Variants in CLBA1 observed in about 807,000 individuals in gnomAD.
CLBA1 encodes the protein clathrin binding box of aftiphilin containing 1, also known as uncharacterized protein CLBA1.
CLBA1 carries 30 observed loss-of-function variants against 28.8 expected under a neutral mutation model. The observed-to-expected ratio is 1.04, with a 90% CI of 0.78 to 1.41. The LOEUF (loss-of-function observed/expected upper bound fraction) is 1.41, where lower values mean the gene tolerates loss of function less well. Ranked by LOEUF, CLBA1 falls within the 40% of genes most tolerant of loss-of-function variation. The pLI, the probability that CLBA1 is intolerant of heterozygous loss-of-function variation, is 0.00. For synonymous variants in CLBA1, 160 were observed against 152.8 expected (o/e 1.05, Z -0.35); for missense variants, 451 against 412.3 (o/e 1.09, Z -0.81).
intron 2 of CLBA1, chr14:104,989,588 G>A (rs1304403320): frequency 2.2e-6 from 1 of 456,024 alleles, no homozygotes; most frequent in Admixed American, 2.3e-5. Context: ...CAGGCTCCTA[G>A]GGGAAAGTGC....
rs1900085531 is a variant in CLBA1, at chr14:104,993,159, G to C, written c.816+95G>C. On this transcript the variant is annotated intron_variant, in intron 4 of 4. Coordinates refer to ENST00000547315, the MANE Select transcript of CLBA1 (RefSeq NM_174891.4). ...TTTCTCTGATGTGAGTCAGTTGCTT[G>C]TTTTCTTCCTTTAAGTCTTGTGGAC... 12 of 1,537,934 alleles carry C rather than the reference G, an allele frequency of 7.8e-6. No homozygotes were observed. In the South Asian group the frequency reaches 9.9e-5, roughly 13 times the overall value.
At chr14:104,996,248 C>T (rs1358194964), downstream of CLBA1, among the ~76,000 whole-genome samples, 2 of 152,324 alleles carry the variant, frequency 1.3e-5, no homozygotes, top group South Asian at 4.1e-4. Context: ...GAAGAGAGGC[C>T]CTGCTGCTCT....
chr14:104,994,633 G>A lies in CLBA1; in HGVS notation c.852G>A (p.Leu284=). 1 of 1,613,100 alleles carries A rather than the reference G, an allele frequency of 6.2e-7. No individual in the cohort carries two copies. Among genetic ancestry groups the A allele is most frequent in the Non-Finnish European group, 8.5e-7 (1 of 1,179,956 alleles). ...CGCCTGGCAGCAAACAGGGGAGGCT[G>A]ATGACATGCAGCCGCTTCCTGAAGA... ...SGPPGSKQGR[L]MTCSRFLKTP... Residue 284 remains leucine, a synonymous_variant, in exon 5 of 5, where the codon CTG becomes CTA. Coordinates refer to ENST00000547315, the MANE Select transcript of CLBA1 (RefSeq NM_174891.4).
chr14:104,998,561 C>T (rs1204211956), downstream of CLBA1, among the ~76,000 whole-genome samples: 2 of 152,152 alleles, frequency 1.3e-5, no homozygotes, highest in Non-Finnish European at 2.9e-5. Flanking sequence ...CTGCCTTGGC[C>T]TCTCTTTTTG....
Position 104,985,914 on chromosome 14 carries a change from C to T in CLBA1, c.-518C>T. 4.9e-6 allele frequency: 1 copy of T among 203,964 alleles called. No homozygotes were observed. Among genetic ancestry groups the T allele is most frequent in the Non-Finnish European group, 1.1e-5 (1 of 95,080 alleles). 12.6% of individuals were successfully genotyped at this position (203,964 alleles called of 1,614,324 possible). ...GGACTCTCGGGAGCCGTGGGCCAGG[C>T]GCTTAGCCGGCCACCTCGGGCCCTG... is the stretch of plus-strand genomic sequence containing the variant. On this transcript the variant is annotated 5_prime_UTR_variant, in exon 1 of 5. Transcript: ENST00000547315.
intron 1 of CLBA1, 128 bp from the exon 2 acceptor site, chr14:104,988,815 G>A: frequency 2.1e-6 from 2 of 973,554 alleles, no homozygotes; most frequent in Non-Finnish European, 2.9e-6. Context: ...AATATGTCAA[G>A]TGATAGTAAC....
chr14:105,000,451 T>G (rs1477074349), downstream of CLBA1, among the ~76,000 whole-genome samples: 1 of 151,998 alleles, frequency 6.6e-6, no homozygotes, highest in Non-Finnish European at 1.5e-5. Context: ...TTTGTATTTT[T>G]AGTAGAGACA....
rs886619508 is a variant in CLBA1, at chr14:104,986,687, GA to G, written c.258del (p.Glu86AspfsTer46). On this transcript the variant is annotated frameshift_variant, in exon 1 of 5. Transcript: ENST00000547315. LOFTEE classifies it high-confidence loss of function. ...STWGEFEGFR[E>X]SSAKSGQFSQ... ...TTGGGGGGAGTTTGAAGGCTTTCGG[GA>G]ATCTTCAGCCAAGTCTGGACAATTC... 5.6e-6 allele frequency: 9 copies of G among 1,613,926 alleles called. No homozygotes were observed. The African/African-American group carries it at 1.1e-4, about 19-fold the overall frequency.
chr14:104,998,024 G>GAAAA (rs1034951556), downstream of CLBA1, among the ~76,000 whole-genome samples: 3 of 151,226 alleles, frequency 2.0e-5, no homozygotes, highest in African/African-American at 7.3e-5. Context: ...AATAAAGAAA[G>GAAAA]AAAGAAAAGA....
At chr14:104,995,565 T>C (rs570032632), downstream of CLBA1, 26 of 944,796 alleles carry the variant, frequency 2.8e-5, no homozygotes, top group East Asian at 4.7e-4. Context: ...CCTGAAATCC[T>C]GTCCCCAGGG....
At chr14:104,993,961 G>C (rs1386193708) in intron 4 of CLBA1, 1 of 984,936 alleles carries the variant, frequency 1.0e-6, no homozygotes, top group African/African-American at 1.7e-5. Flanking sequence ...GCCAGGGTCA[G>C]CTTCTGGGCA....
intron 3 of CLBA1, among the ~76,000 whole-genome samples, chr14:104,992,076 C>T (rs550918082): frequency 2.3e-4 from 35 of 149,812 alleles, no homozygotes; most frequent in African/African-American, 7.4e-4. Context: ...ACGCACACCC[C>T]GCCACGCACA....
At chr14:104,990,821 T>G (rs1483043343) in intron 2 of CLBA1, 1 of 153,290 alleles carries the variant, frequency 6.5e-6, no homozygotes, top group Non-Finnish European at 1.5e-5. Flanking sequence ...GCAAAATATC[T>G]GGTCTCACGG....
chr14:104,996,986 G>GCCTGCAGCC (rs1394291896), downstream of CLBA1, among the ~76,000 whole-genome samples: 1 of 152,162 alleles, frequency 6.6e-6, no homozygotes, highest in Non-Finnish European at 1.5e-5. Flanking sequence ...GAACTGTCTA[G>GCCTGCAGCC]CCTGCAGTAA....
chr14:104,998,589 AAG>A (rs1278613908), downstream of CLBA1, among the ~76,000 whole-genome samples: 2 of 151,944 alleles, frequency 1.3e-5, no homozygotes, highest in Non-Finnish European at 2.9e-5. Flanking sequence ...TTTTTCAATA[AAG>A]ACTTACTTAA....
At position 104,990,028 on chromosome 14, in the gene CLBA1, G is replaced by T. The variant is rs371451505; in HGVS notation, c.569+940G>T. 15 of 229,780 alleles carry T rather than the reference G, an allele frequency of 6.5e-5. No homozygotes were observed. The East Asian group carries it at 1.1e-3, about 18-fold the overall frequency. 14.2% of individuals were successfully genotyped at this position (229,780 alleles called of 1,614,324 possible). On this transcript the variant is annotated intron_variant, in intron 2 of 4. Coordinates refer to ENST00000547315, the MANE Select transcript of CLBA1 (RefSeq NM_174891.4). Reference sequence around the variant, plus strand: ...AACCAGCATTGCCCAGATGGCCCGTGTGCCCTCTGTGTGTGGTGCTTCTGC... The same window carrying T: ...AACCAGCATTGCCCAGATGGCCCGTTTGCCCTCTGTGTGTGGTGCTTCTGC...
Position 104,986,222 on chromosome 14 carries a change from C to G in CLBA1, c.-210C>G. The G allele has an allele frequency of 1.7e-6, 1 of 603,102 alleles. No homozygotes were observed. Among genetic ancestry groups the G allele is most frequent in the Non-Finnish European group, 2.9e-6 (1 of 343,006 alleles). The allele number at this position is 603,102 out of a possible 1,614,324, so 37.4% of individuals were successfully genotyped here. On this transcript the variant is annotated 5_prime_UTR_variant, in exon 1 of 5. Transcript: ENST00000547315. Reference sequence around the variant, plus strand: ...GGAGGAAGCCAGGACTCCCGGGCGACCGGGCCATTCCTGTGGTTTGTGTCA... The same window carrying G: ...GGAGGAAGCCAGGACTCCCGGGCGAGCGGGCCATTCCTGTGGTTTGTGTCA...
chr14:104,985,836 T>C lies in CLBA1; in HGVS notation c.-596T>C. Reference sequence around the variant, plus strand: ...GAGGGAACGGCTGGTTGCAGGTTTCTCTCGCCCTGGTCCCGCGCGGCCCCG... The same window carrying C: ...GAGGGAACGGCTGGTTGCAGGTTTCCCTCGCCCTGGTCCCGCGCGGCCCCG... On this transcript the variant is annotated 5_prime_UTR_variant, in exon 1 of 5. Transcript: ENST00000547315. The C allele has an allele frequency of 3.6e-6, 1 of 277,982 alleles. No homozygotes were observed. The highest frequency in any genetic ancestry group is 7.2e-6 in the Non-Finnish European group (1 of 138,276). The allele number at this position is 277,982 out of a possible 1,614,324, so 17.2% of individuals were successfully genotyped here.
chr14:104,991,745 A>T, intron 3 of CLBA1, 125 bp downstream of exon 3: 1 of 1,201,284 alleles, frequency 8.3e-7, no homozygotes, highest in African/African-American at 1.5e-5. Flanking sequence ...GGTTAAAGCC[A>T]CTAGGTGGCC....
Sources: allele counts gnomAD v4.1 joint callset (sites outside exome capture counted in the v4.1 genomes callset), GRCh38; gene constraint gnomAD v4.1.1; transcripts MANE v1.5; gene names NCBI Gene and HGNC (gene_info 2026-07-23, HGNC 2026-07-21).